The following PREX2 variants were observed in gnomAD, a reference collection of about 807,000 sequenced individuals.
PREX2 encodes phosphatidylinositol-3,4,5-trisphosphate dependent Rac exchange factor 2.
In PREX2, 107 loss-of-function variants were observed where a neutral mutation model predicts 203.2. The ratio of observed to expected loss-of-function variants is 0.53; its 90% CI spans 0.45 to 0.62. PREX2 has a LOEUF of 0.62. Ranked by LOEUF, PREX2 falls within the 20% of genes least tolerant of loss-of-function variation. The pLI is 0.00. For missense variants in PREX2, 1,777 were observed against 1,955.9 expected (o/e 0.91, Z 1.72); for synonymous variants, 672 against 663.6 (o/e 1.01, Z -0.19).
chr8:68,127,293 A>G (rs1201318774), intron 30 of PREX2, 85 bp from the exon 31 acceptor site: 1 of 1,055,406 alleles, frequency 9.5e-7, no homozygotes, highest in Non-Finnish European at 1.4e-6. Flanking sequence ...CAATAAGATC[A>G]TACTAATTTT....
At chr8:67,987,912 A>AGTGT (rs71253049) in intron 1 of PREX2, among the ~76,000 whole-genome samples, 17 of 150,796 alleles carry the variant, frequency 1.1e-4, no homozygotes, top group African/African-American at 3.4e-4. Context: ...GCAGCCAGGG[A>AGTGT]GTGTGTGTGT....
chr8:67,987,330 A>G (rs1806464139), intron 1 of PREX2, among the ~76,000 whole-genome samples: 1 of 152,094 alleles, frequency 6.6e-6, no homozygotes, highest in Non-Finnish European at 1.5e-5. Context: ...TCAATTCAGA[A>G]CCACTATTAG....
intron 39 of PREX2, among the ~76,000 whole-genome samples, chr8:68,226,953 A>G (rs1441520171): frequency 6.6e-6 from 1 of 152,204 alleles, no homozygotes; most frequent in Admixed American, 6.5e-5. Context: ...TGTTTTGAGA[A>G]CTATGCCTAG....
At chr8:68,043,308 T>G (rs1434191053) in intron 7 of PREX2, among the ~76,000 whole-genome samples, 1 of 152,092 alleles carries the variant, frequency 6.6e-6, no homozygotes, top group Non-Finnish European at 1.5e-5. Context: ...GACTAATGAA[T>G]CGATTTGCTT....
Position 67,952,422 on chromosome 8 carries a change from C to A in PREX2, c.28C>A (p.Arg10Ser). 1 of 1,573,486 alleles carries A rather than the reference C, an allele frequency of 6.4e-7. No individual in the cohort carries two copies. The highest frequency in any genetic ancestry group is 8.6e-7 in the Non-Finnish European group (1 of 1,160,678). Residue 10 changes from arginine to serine, a missense_variant, in exon 1 of 40, where the codon CGC becomes AGC. Coordinates refer to ENST00000288368, the MANE Select transcript of PREX2 (RefSeq NM_024870.4). MSEDSRGDS[R>S]AESAKDLEKQ... is the part of the protein sequence containing the mutation. ...GAGCGAGGACAGCCGCGGAGACAGC[C>A]GCGCCGAGAGCGCCAAGGACCTGGA...
At position 68,080,745 on chromosome 8, in the gene PREX2, G is replaced by C. The variant is rs1181417548; in HGVS notation, c.1786-1G>C. ...AATAATGTTAATATTTTGCATTTCA[G>C]ATTAAATCCAATGAAGGCAGCTATG... On this transcript the variant is annotated splice_acceptor_variant, in intron 16 of 39. Coordinates refer to ENST00000288368, the MANE Select transcript of PREX2 (RefSeq NM_024870.4). LOFTEE classifies it high-confidence loss of function. 6.5e-7 allele frequency: 1 copy of C among 1,544,556 alleles called. No individual in the cohort carries two copies. The highest frequency in any genetic ancestry group is 8.8e-7 in the Non-Finnish European group (1 of 1,133,362).
intron 13 of PREX2, among the ~76,000 whole-genome samples, chr8:68,071,896 A>G (rs896137467): frequency 2.6e-5 from 4 of 152,144 alleles, no homozygotes; most frequent in East Asian, 3.8e-4. Flanking sequence ...CAGGAATAAA[A>G]GGCATTTCTT....
chr8:68,171,517 C>T (rs963456267), intron 35 of PREX2, among the ~76,000 whole-genome samples: 1 of 152,022 alleles, frequency 6.6e-6, no homozygotes, highest in Middle Eastern at 3.4e-3. Flanking sequence ...CCCTGAAATG[C>T]GATGAATATG....
At chr8:68,099,238 G>T (rs528727188) in intron 22 of PREX2, among the ~76,000 whole-genome samples, 7 of 151,962 alleles carry the variant, frequency 4.6e-5, no homozygotes, top group African/African-American at 1.4e-4. Context: ...TTTTGCACTT[G>T]CCAGACTCTA....
At chr8:67,965,084 C>T (rs1303037868) in intron 1 of PREX2, among the ~76,000 whole-genome samples, 4 of 152,116 alleles carry the variant, frequency 2.6e-5, no homozygotes, top group African/African-American at 9.7e-5. Flanking sequence ...AACAGTAGTT[C>T]ATTTCAGGCA....
At chr8:67,993,883 T>C (rs1386657683) in intron 1 of PREX2, among the ~76,000 whole-genome samples, 1 of 152,166 alleles carries the variant, frequency 6.6e-6, no homozygotes, top group South Asian at 2.1e-4. Flanking sequence ...GAAATCTTCA[T>C]AGAGAAAGTG....
Position 68,134,168 on chromosome 8 carries a change from CAGCA to C in PREX2, c.3879_3882del (p.Ser1293ArgfsTer18). On this transcript the variant is annotated frameshift_variant, in exon 32 of 40. Transcript: ENST00000288368. LOFTEE classifies it high-confidence loss of function. ...CGGCCTTGAACCAGATGTTTGACAA[CAGCA>C]AGGAAAATGAGATGGAAACTTGGGA... 1 of 1,614,100 alleles carries C rather than the reference CAGCA, an allele frequency of 6.2e-7. No homozygotes were observed. The highest frequency in any genetic ancestry group is 8.5e-7 in the Non-Finnish European group (1 of 1,179,988).
chr8:68,019,777 A>T (rs1296420263), intron 3 of PREX2, 106 bp downstream of exon 3: 1 of 1,146,044 alleles, frequency 8.7e-7, no homozygotes, highest in African/African-American at 1.5e-5. Flanking sequence ...GTAAAATCTG[A>T]CACCAAAAGT....
chr8:67,981,347 A>G (rs1806264928), intron 1 of PREX2, among the ~76,000 whole-genome samples: 1 of 152,236 alleles, frequency 6.6e-6, no homozygotes, highest in Non-Finnish European at 1.5e-5. Flanking sequence ...AAGAATGGCC[A>G]GAGGAAGGAA....
rs1006048738 is a variant in PREX2 at position 68,164,168 on chromosome 8, C to T, written c.4346+6732C>T. ...TCTCCCAGATCATTTTATGTGGTAC[C>T]TAAGATGGCAAAGAGGAAAAAGGAG... On this transcript the variant is annotated intron_variant, in intron 35 of 39. Coordinates refer to ENST00000288368, the MANE Select transcript of PREX2 (RefSeq NM_024870.4). 7.5e-4 allele frequency among the ~76,000 whole-genome samples: 114 copies of T among 151,986 alleles called. 1 individual carries two copies. Among genetic ancestry groups the T allele is most frequent in the African/African-American group, 2.5e-3 (104 of 41,426 alleles).
chr8:68,077,394 C>T lies in PREX2; in HGVS notation c.1570-3C>T, dbSNP rs540802322. ...ACTCCCACAGTGCTTTTTTGGTTAA[C>T]AGGGAGATTGCCGCACCAGAGAAGA... is the stretch of plus-strand genomic sequence containing the variant. On this transcript the variant is annotated splice_region_variant and splice_polypyrimidine_tract_variant and intron_variant, in intron 14 of 39. Transcript: ENST00000288368. 1 of 1,612,380 alleles carries T rather than the reference C, an allele frequency of 6.2e-7. No homozygotes were observed. The highest frequency in any genetic ancestry group is 1.1e-5 in the South Asian group (1 of 91,042).
chr8:68,088,077 A>C (rs111939934), intron 19 of PREX2, among the ~76,000 whole-genome samples: 1,742 of 152,248 alleles, frequency 0.011, 24 homozygotes, highest in Non-Finnish European at 0.013. Context: ...GAATATAATA[A>C]ATTTAAGATT....
chr8:68,150,133 A>AGAGAG (rs1811404499), intron 34 of PREX2, among the ~76,000 whole-genome samples: 1 of 152,184 alleles, frequency 6.6e-6, no homozygotes, highest in Admixed American at 6.5e-5. Context: ...ATCATTTCTG[A>AGAGAG]GAGAGGATCT....
At chr8:67,986,466 TGG>T (rs1806429261) in intron 1 of PREX2, among the ~76,000 whole-genome samples, 5 of 151,508 alleles carry the variant, frequency 3.3e-5, no homozygotes, top group African/African-American at 4.8e-5. Context: ...TGTCTGCAGG[TGG>T]CTTGACTACA....
Sources: gnomAD v4.1 joint callset for allele counts (sites outside exome capture counted in the v4.1 genomes callset) on GRCh38, gnomAD v4.1.1 for gene constraint, MANE v1.5 for transcripts, NCBI Gene and HGNC (gene_info 2026-07-23, HGNC 2026-07-21) for gene names.